CNIH3: variants seen among roughly 807,000 people sequenced by gnomAD.
CNIH3 encodes cornichon family AMPA receptor auxiliary protein 3.
Under a neutral mutation model 24.1 loss-of-function variants are expected in CNIH3, and 14 were observed. The ratio of observed to expected loss-of-function variants is 0.58; its 90% CI spans 0.38 to 0.91. The LOEUF is 0.91. Ranked by LOEUF, CNIH3 falls within the 40% of genes least tolerant of loss-of-function variation. The pLI is 0.00. For synonymous variants in CNIH3, 68 were observed against 73.8 expected (o/e 0.92, Z 0.40); for missense variants, 178 against 196.8 (o/e 0.90, Z 0.57).
At chr1:224,622,449 GTTGCTTGCCGCTTTATCCTTGTTTGCA>G in intron 1 of CNIH3, among the ~76,000 whole-genome samples, 1 of 152,144 alleles carries the variant, frequency 6.6e-6, no homozygotes, top group South Asian at 2.1e-4. Context: ...CATTGTTTGC[GTTGCTTGCCGCTTTATCCTTGTTTGCA>G]TTGCAATAAC....
Position 224,491,169 on chromosome 1 carries a change from T to C in CNIH3, n.204-24572T>C, listed in dbSNP as rs1451048298. 2.0e-5 allele frequency among the ~76,000 whole-genome samples: 3 copies of C among 152,214 alleles called. No homozygotes were observed. In the East Asian group the frequency reaches 5.8e-4, roughly 29 times the overall value. ...TATTTAGTTTGCTTTAACAGGCCCTTATTAGTGTATTTACTGAGCTGAGGA... is the reference window on the plus strand; with the variant it reads ...TATTTAGTTTGCTTTAACAGGCCCTCATTAGTGTATTTACTGAGCTGAGGA... On this transcript the variant is annotated intron_variant and non_coding_transcript_variant, in intron 1 of 5. Transcript: ENST00000471578.
downstream of CNIH3, among the ~76,000 whole-genome samples, chr1:224,592,049 A>T (rs1268876900): frequency 6.6e-6 from 1 of 152,112 alleles, no homozygotes; most frequent in Non-Finnish European, 1.5e-5. Context: ...GCTCATTCAG[A>T]TGACACAGGC....
intron 3 of CNIH3, among the ~76,000 whole-genome samples, chr1:224,610,352 A>G (rs1682629820): frequency 6.6e-6 from 1 of 152,198 alleles, no homozygotes; most frequent in Admixed American, 6.5e-5. Flanking sequence ...CGAGGGAGGA[A>G]TCTGGTAGGA....
At chr1:224,668,957 C>T (rs944436696) in intron 1 of CNIH3, among the ~76,000 whole-genome samples, 26 of 152,150 alleles carry the variant, frequency 1.7e-4, no homozygotes, top group Admixed American at 5.9e-4. Context: ...GGGAAGATCC[C>T]AGCACACTGC....
At chr1:224,612,992 A>G (rs995908512), upstream of CNIH3, among the ~76,000 whole-genome samples, 1 of 152,130 alleles carries the variant, frequency 6.6e-6, no homozygotes, top group Non-Finnish European at 1.5e-5. This position sits in a 1 kb window ranked among gnomAD's most constrained non-coding sequence, Gnocchi z 4.7. Flanking sequence ...TCATTTTTAT[A>G]TTTTCCAAAT....
intron 5 of CNIH3, among the ~76,000 whole-genome samples, chr1:224,737,044 T>C: frequency 6.6e-6 from 1 of 152,134 alleles, no homozygotes; most frequent in East Asian, 1.9e-4. Context: ...GAGACCATTG[T>C]TTTCATTAGC....
At chr1:224,540,705 A>G (rs546117063), downstream of CNIH3, among the ~76,000 whole-genome samples, 2 of 152,316 alleles carry the variant, frequency 1.3e-5, no homozygotes, top group Admixed American at 1.3e-4. Context: ...ACAGCTTAAG[A>G]ACAACAAATA....
At chr1:224,596,493 GC>G (rs1681985747) in intron 3 of CNIH3, among the ~76,000 whole-genome samples, 1 of 152,230 alleles carries the variant, frequency 6.6e-6, no homozygotes, top group Non-Finnish European at 1.5e-5. Flanking sequence ...TTGTTTTCAT[GC>G]CTGCTTGCAC....
chr1:224,485,544 G>A (rs879363955), intron 1 of CNIH3, among the ~76,000 whole-genome samples: 1 of 152,000 alleles, frequency 6.6e-6, no homozygotes, highest in Non-Finnish European at 1.5e-5. Flanking sequence ...CCAGGCTGGA[G>A]TGCAGTGGCG....
intron 1 of CNIH3, among the ~76,000 whole-genome samples, chr1:224,510,609 C>A (rs791390): frequency 0.052 from 5,439 of 103,664 alleles, 278 homozygotes; most frequent in African/African-American, 0.18. Context: ...AAAAAAAAAA[C>A]AAAAAAAAAA....
chr1:224,517,908 C>T lies in CNIH3; in HGVS notation n.15+2032C>T, dbSNP rs7544873. Among the ~76,000 whole-genome samples, 354 of 152,186 alleles carry T rather than the reference C, an allele frequency of 2.3e-3. 3 individuals are homozygous for T. Among genetic ancestry groups the T allele is most frequent in the African/African-American group, 8.1e-3 (338 of 41,522 alleles). ...GAGGTGTTAATGCTGTGTGCTGGGC[C>T]TTGGGAATGATGGGGGTGCCTTGAG... On this transcript the variant is annotated intron_variant and non_coding_transcript_variant, in intron 1 of 2. Transcript: ENST00000470602.
chr1:224,499,441 T>C (rs1282013044), intron 1 of CNIH3, among the ~76,000 whole-genome samples: 1 of 152,218 alleles, frequency 6.6e-6, no homozygotes, highest in Non-Finnish European at 1.5e-5. Flanking sequence ...GACTCATGAC[T>C]AATCAATCGT....
chr1:224,514,301 A>G (rs955225267), upstream of CNIH3, among the ~76,000 whole-genome samples: 1 of 152,210 alleles, frequency 6.6e-6, no homozygotes, highest in Non-Finnish European at 1.5e-5. Flanking sequence ...GCAGGTTAAG[A>G]ATAATCATAG....
chr1:224,434,716 G>A (rs992524974), exon 1 of CNIH3: 45 of 961,370 alleles, frequency 4.7e-5, no homozygotes, highest in Non-Finnish European at 5.4e-5. Flanking sequence ...GGGCGGCAGC[G>A]GAGGCAGCTG....
chr1:224,645,105 C>T (rs1684538906), intron 1 of CNIH3, among the ~76,000 whole-genome samples: 1 of 152,194 alleles, frequency 6.6e-6, no homozygotes. Flanking sequence ...TCTTTTATTT[C>T]AGTTTTACAG....
chr1:224,592,545 G>A (rs1312308326), downstream of CNIH3, among the ~76,000 whole-genome samples: 1 of 152,204 alleles, frequency 6.6e-6, no homozygotes, highest in Non-Finnish European at 1.5e-5. Flanking sequence ...ACCCGCTCGT[G>A]GCTGATGGAA....
At chr1:224,507,833 C>T (rs1677981078) in intron 1 of CNIH3, among the ~76,000 whole-genome samples, 1 of 152,164 alleles carries the variant, frequency 6.6e-6, no homozygotes, top group South Asian at 2.1e-4. Context: ...TTACTATGTG[C>T]AATGCACTGT....
chr1:224,730,574 G>C lies in CNIH3; in HGVS notation c.311G>C (p.Arg104Thr), dbSNP rs1478365782. Residue 104 changes from arginine (R) to threonine (T), a missense_variant and splice_region_variant, in exon 4 of 6, where the codon AGG (arginine) becomes ACG (threonine). Transcript: ENST00000272133. The part of the protein sequence containing the change: ...NVPLLFYHFW[R>T]YFHCPADSSE... ...CCTCTACTTTTCTATCACTTCTGGAGGTAAGTCAGACTGGGACTGGTATAT... is the reference window on the plus strand; with the variant it reads ...CCTCTACTTTTCTATCACTTCTGGACGTAAGTCAGACTGGGACTGGTATAT... 6.5e-7 allele frequency: 1 copy of C among 1,540,348 alleles called. No homozygotes were observed. Among genetic ancestry groups the C allele is most frequent in the African/African-American group, 1.4e-5 (1 of 72,924 alleles).
At chr1:224,528,286 C>CA (rs1678923402) in intron 2 of CNIH3, among the ~76,000 whole-genome samples, 1 of 152,060 alleles carries the variant, frequency 6.6e-6, no homozygotes, top group Non-Finnish European at 1.5e-5. Context: ...ATAAAATTAA[C>CA]AAAATGCCTA....
Sources: gnomAD v4.1 joint callset for allele counts (sites outside exome capture counted in the v4.1 genomes callset) on GRCh38, gnomAD v4.1.1 for gene constraint, Gnocchi (gnomAD v3.1) non-coding constraint, MANE v1.5 for transcripts, NCBI Gene and HGNC (gene_info 2026-07-23, HGNC 2026-07-21) for gene names.